E2F3: variants seen among roughly 807,000 people sequenced by gnomAD.
E2F3 encodes the protein E2F transcription factor 3, also known as transcription factor E2F3.
E2F3 carries 11 observed loss-of-function variants against 44.4 expected under a neutral mutation model. That is an observed-to-expected ratio of 0.25 (90% CI 0.16 to 0.41). The LOEUF (loss-of-function observed/expected upper bound fraction) is 0.41, where lower values mean the gene tolerates loss of function less well. Ranked by LOEUF, E2F3 falls within the 10% of genes least tolerant of loss-of-function variation. E2F3 has a pLI of 1.00. For missense variants in E2F3, 487 were observed against 583.6 expected, an observed-to-expected ratio of 0.83 and a Z score of 1.70; for synonymous variants, 249 against 253.0, an observed-to-expected ratio of 0.98 and a Z score of 0.15.
At chr6:20,445,867 T>C (rs1196219590) in intron 1 of E2F3, among the ~76,000 whole-genome samples, 1 of 152,240 alleles carries the variant, frequency 6.6e-6, no homozygotes, top group Non-Finnish European at 1.5e-5. Flanking sequence ...ATTTAATCAG[T>C]TATTCCAGCT....
chr6:20,417,222 C>T (rs1009264709), intron 1 of E2F3, among the ~76,000 whole-genome samples: 24 of 152,034 alleles, frequency 1.6e-4, no homozygotes, highest in Non-Finnish European at 2.5e-4. Context: ...TTTAAAGATA[C>T]AGTGAAAAGT....
At chr6:20,462,847 T>TTCTC (rs1561873210) in intron 1 of E2F3, among the ~76,000 whole-genome samples, 1,853 of 144,330 alleles carry the variant, frequency 0.013, 54 homozygotes, top group African/African-American at 0.035. Context: ...TTTGTTCTCT[T>TTCTC]TCTCTCTCTC....
Position 20,402,268 on chromosome 6 carries a change from C to T in E2F3, c.36C>T (p.Tyr12=). 1 of 1,607,906 alleles carries T rather than the reference C, an allele frequency of 6.2e-7. No homozygotes were observed. Among genetic ancestry groups the T allele is most frequent in the Non-Finnish European group, 8.5e-7 (1 of 1,178,482 alleles). ...GAATCCAGCCCGCTCTGGAGCAGTACCTGGTGACCGCCGGGGGTGGGGAGG... is the reference window on the plus strand; with the variant it reads ...GAATCCAGCCCGCTCTGGAGCAGTATCTGGTGACCGCCGGGGGTGGGGAGG... ...RKGIQPALEQ[Y]LVTAGGGEGA... Residue 12 remains tyrosine, a synonymous_variant, in exon 1 of 7, where the codon TAC becomes TAT. Coordinates refer to ENST00000346618, the MANE Select transcript of E2F3 (RefSeq NM_001949.5). The surrounding 1 kb of genome is among the most constrained non-coding windows in gnomAD (Gnocchi z 5.6).
At chr6:20,404,048 G>A (rs573893565) in intron 1 of E2F3, among the ~76,000 whole-genome samples, 2 of 152,268 alleles carry the variant, frequency 1.3e-5, no homozygotes, top group South Asian at 4.1e-4. Context: ...CTGCCCCAGG[G>A]GGTGGGTATG....
chr6:20,403,789 C>A (rs931826605), intron 1 of E2F3: 9 of 1,498,984 alleles, frequency 6.0e-6, no homozygotes, highest in Non-Finnish European at 8.0e-6. Context: ...CCCCCACCTC[C>A]CCCCGGAGCC....
At chr6:20,479,150 G>A (rs959549417) in intron 1 of E2F3, among the ~76,000 whole-genome samples, 18 of 152,196 alleles carry the variant, frequency 1.2e-4, no homozygotes, top group African/African-American at 4.1e-4. Flanking sequence ...TGAAGCCCAA[G>A]ATTGCATGTT....
intron 1 of E2F3, among the ~76,000 whole-genome samples, chr6:20,456,460 G>A (rs58412327): frequency 0.13 from 19,617 of 152,134 alleles, 1,724 homozygotes; most frequent in East Asian, 0.44. Flanking sequence ...GTCATAAAGA[G>A]CATTCTCCTA....
intron 1 of E2F3, among the ~76,000 whole-genome samples, chr6:20,470,699 T>G (rs12198942): frequency 0.67 from 102,461 of 152,058 alleles, 35,512 homozygotes; most frequent in Non-Finnish European, 0.77. Flanking sequence ...TTTCCTGATC[T>G]CCTATTAACT....
At chr6:20,444,029 T>G (rs1016213474) in intron 1 of E2F3, among the ~76,000 whole-genome samples, 11 of 151,816 alleles carry the variant, frequency 7.2e-5, no homozygotes, top group Admixed American at 2.0e-4. Context: ...CTGGGCAACA[T>G]AGTGAAACCA....
rs1213603692 is a variant in E2F3 at position 20,437,896 on chromosome 6, C to T, written c.393+35271C>T. 2.6e-5 allele frequency: 4 copies of T among 152,340 alleles called. No individual in the cohort carries two copies. The East Asian group carries it at 7.7e-4, about 29-fold the overall frequency. The allele number at this position is 152,340 out of a possible 1,614,324, so 9.4% of individuals were successfully genotyped here. ...GCAGCCTTCGTGGCTACCACCTTCC[C>T]ATAAAGTCTGTGCTCTCCAGCGGCG... On this transcript the variant is annotated intron_variant, in intron 1 of 6. Coordinates refer to ENST00000346618, the MANE Select transcript of E2F3 (RefSeq NM_001949.5).
At chr6:20,473,441 A>T (rs569382497) in intron 1 of E2F3, among the ~76,000 whole-genome samples, 76 of 152,340 alleles carry the variant, frequency 5.0e-4, no homozygotes, top group African/African-American at 1.8e-3. Flanking sequence ...TGAAAATAAG[A>T]TAACAAAATT....
intron 1 of E2F3, among the ~76,000 whole-genome samples, chr6:20,475,890 G>A (rs1762027615): frequency 6.6e-6 from 1 of 152,160 alleles, no homozygotes; most frequent in Non-Finnish European, 1.5e-5. Flanking sequence ...TTTTCTTTGA[G>A]GCGGGCCAGC....
chr6:20,463,598 A>G (rs142598849), intron 1 of E2F3, among the ~76,000 whole-genome samples: 37 of 152,296 alleles, frequency 2.4e-4, no homozygotes, highest in African/African-American at 8.9e-4. Flanking sequence ...TTGAGATTTT[A>G]AAAGGTTTTC....
chr6:20,470,281 C>T (rs1761846813), intron 1 of E2F3, among the ~76,000 whole-genome samples: 1 of 152,196 alleles, frequency 6.6e-6, no homozygotes, highest in East Asian at 1.9e-4. Context: ...CATTGTTTCC[C>T]ATTGTTTGCT....
intron 1 of E2F3, among the ~76,000 whole-genome samples, chr6:20,410,806 G>A (rs796983044): frequency 6.6e-6 from 1 of 152,278 alleles, no homozygotes; most frequent in African/African-American, 2.4e-5. Context: ...ATTTTTAGTA[G>A]GGACGGGGTT....
chr6:20,487,526 A>G (rs904965667), intron 5 of E2F3, among the ~76,000 whole-genome samples: 10 of 152,314 alleles, frequency 6.6e-5, no homozygotes, highest in Admixed American at 3.3e-4. Context: ...ATACAGTTCA[A>G]CATGAAAAAG....
At position 20,493,378 on chromosome 6, in the gene E2F3, G is replaced by A. The variant is rs564249216; in HGVS notation, c.*2948G>A. 10 of 225,682 alleles carry A rather than the reference G, an allele frequency of 4.4e-5. No homozygotes were observed. Among genetic ancestry groups the A allele is most frequent in the Non-Finnish European group, 8.0e-5 (9 of 112,988 alleles). The allele number at this position is 225,682 out of a possible 1,614,324, so 14.0% of individuals were successfully genotyped here. ...GTGTATGAGAAGGAGGGATATGAAG[G>A]AAGATGGCTTGCAGAGTAAGTCGGG... On this transcript the variant is annotated 3_prime_UTR_variant, in exon 7 of 7. Coordinates refer to ENST00000346618, the MANE Select transcript of E2F3 (RefSeq NM_001949.5).
At chr6:20,452,083 A>T (rs1486736590) in intron 1 of E2F3, among the ~76,000 whole-genome samples, 1 of 152,206 alleles carries the variant, frequency 6.6e-6, no homozygotes, top group Admixed American at 6.5e-5. Flanking sequence ...GTTGGGGAAG[A>T]ATCCCTCCTC....
intron 2 of E2F3, chr6:20,480,158 A>G (rs916249210): frequency 8.4e-6 from 6 of 717,816 alleles, no homozygotes; most frequent in South Asian, 6.3e-5. Flanking sequence ...CTGGTACCAT[A>G]AGGGAAGACT....
Sources: gnomAD v4.1 joint callset for allele counts (sites outside exome capture counted in the v4.1 genomes callset) on GRCh38, gnomAD v4.1.1 for gene constraint, Gnocchi (gnomAD v3.1) non-coding constraint, MANE v1.5 for transcripts, NCBI Gene and HGNC (gene_info 2026-07-23, HGNC 2026-07-21) for gene names.